KCNU1: variants seen among roughly 807,000 people sequenced by gnomAD.
The protein encoded by KCNU1 is potassium calcium-activated channel subfamily U member 1.
KCNU1 carries 93 observed loss-of-function variants against 126.8 expected under a neutral mutation model. The observed-to-expected ratio is 0.73, with a 90% confidence interval of 0.62 to 0.87. The LOEUF (loss-of-function observed/expected upper bound fraction) is 0.87. Among genes scored for constraint, KCNU1 ranks in the 40% least tolerant of loss-of-function variants. The pLI is 0.00. For synonymous variants in KCNU1, 523 were observed against 494.2 expected, an observed-to-expected ratio of 1.06 and a Z score of -0.77; for missense variants, 1,330 against 1,367.1, an observed-to-expected ratio of 0.97 and a Z score of 0.43.
intron 9 of KCNU1, among the ~76,000 whole-genome samples, chr8:36,816,017 T>A (rs370371823): frequency 2.0e-5 from 3 of 152,328 alleles, no homozygotes; most frequent in Admixed American, 6.5e-5. Context: ...CCATTACCAA[T>A]TGTCTTACTC....
intron 26 of KCNU1, among the ~76,000 whole-genome samples, chr8:36,933,673 A>G (rs1808770713): frequency 6.6e-6 from 1 of 152,098 alleles, no homozygotes; most frequent in Admixed American, 6.6e-5. Flanking sequence ...AATAGAGTGG[A>G]AATAGATGGA....
chr8:36,809,448 A>G lies in KCNU1; in HGVS notation c.732+655A>G, dbSNP rs572969968. ...TGAGATAAACAAAACAGAATGCATA[A>G]CAGGTCTTTTTTATCTGAGCCCTTC... is the stretch of plus-strand genomic sequence containing the variant. On this transcript the variant is annotated intron_variant, in intron 7 of 26. Coordinates refer to ENST00000399881, the MANE Select transcript of KCNU1 (RefSeq NM_001031836.3). 2.0e-4 allele frequency among the ~76,000 whole-genome samples: 30 copies of G among 152,336 alleles called. No homozygotes were observed. In the South Asian group the frequency reaches 6.2e-3, roughly 32 times the overall value.
intron 19 of KCNU1, among the ~76,000 whole-genome samples, chr8:36,885,065 G>A (rs1327186247): frequency 6.6e-6 from 1 of 152,182 alleles, no homozygotes; most frequent in East Asian, 1.9e-4. Context: ...AAACTAGTAG[G>A]AATATTTACA....
intron 10 of KCNU1, among the ~76,000 whole-genome samples, chr8:36,829,001 T>C (rs1230322054): frequency 6.6e-6 from 1 of 152,140 alleles, no homozygotes. Flanking sequence ...TTGATTTCTA[T>C]GCCCTTTAGC....
At chr8:36,881,807 CA>C (rs1806491696) in intron 19 of KCNU1, among the ~76,000 whole-genome samples, 1 of 110,754 alleles carries the variant, frequency 9.0e-6, no homozygotes, top group Admixed American at 1.2e-4. Flanking sequence ...CACACACACA[CA>C]CACACACACA....
chr8:36,828,239 T>A (rs1804397712), intron 10 of KCNU1, among the ~76,000 whole-genome samples: 1 of 152,114 alleles, frequency 6.6e-6, no homozygotes, highest in Non-Finnish European at 1.5e-5. Context: ...AGTCATAACA[T>A]TCATAATTGG....
intron 25 of KCNU1, 150 bp from the exon 26 acceptor site, chr8:36,932,770 C>T: frequency 8.3e-6 from 5 of 604,694 alleles, no homozygotes; most frequent in East Asian, 2.8e-5. Context: ...CTCTTAATTA[C>T]CTATCGCCCT....
At chr8:36,857,523 G>A (rs1333515747) in intron 18 of KCNU1, among the ~76,000 whole-genome samples, 1 of 152,162 alleles carries the variant, frequency 6.6e-6, no homozygotes, top group Non-Finnish European at 1.5e-5. Flanking sequence ...GCAGTCTGTG[G>A]TTCAAGTGCC....
chr8:36,834,807 C>T lies in KCNU1; in HGVS notation c.1234C>T (p.Leu412=), dbSNP rs748328126. The T allele has an allele frequency of 6.2e-7, 1 of 1,611,376 alleles. No homozygotes were observed. ...GTAGGTGGAATCTGCAGAGGCATGC[C>T]TGATTATAGCCAATCCTTTGTGCAG... The part of the protein sequence containing the change: ...RVAVESAEAC[L]IIANPLCSDS... The change falls in exon 12 of 27, where the codon CTG becomes TTG. Residue 412 remains leucine (L), a synonymous_variant. Transcript: ENST00000399881.
chr8:36,852,868 C>A (rs567830430), intron 18 of KCNU1, among the ~76,000 whole-genome samples: 1 of 152,062 alleles, frequency 6.6e-6, no homozygotes, highest in South Asian at 2.1e-4. Flanking sequence ...TCAAAAAGAA[C>A]AACTTTCTTA....
At chr8:36,790,763 C>T (rs1802874239) in intron 2 of KCNU1, among the ~76,000 whole-genome samples, 1 of 151,968 alleles carries the variant, frequency 6.6e-6, no homozygotes, top group Non-Finnish European at 1.5e-5. Flanking sequence ...TCTACAAAAC[C>T]CTCAAGGAAT....
chr8:36,799,833 G>A (rs1057077118), intron 2 of KCNU1, among the ~76,000 whole-genome samples: 2 of 151,822 alleles, frequency 1.3e-5, no homozygotes, highest in Admixed American at 6.6e-5. Flanking sequence ...TAGTCACCGC[G>A]CCCAGCCCTT....
chr8:36,885,131 A>T (rs530334569), intron 19 of KCNU1, among the ~76,000 whole-genome samples: 11 of 151,924 alleles, frequency 7.2e-5, no homozygotes, highest in African/African-American at 2.4e-4. Context: ...AGAATGAGAA[A>T]CTCCTGGGGG....
chr8:36,930,528 A>C (rs1200894599), intron 24 of KCNU1, among the ~76,000 whole-genome samples: 1 of 152,186 alleles, frequency 6.6e-6, no homozygotes, highest in African/African-American at 2.4e-5. Context: ...TATAGATGAC[A>C]ATAATATCAT....
intron 19 of KCNU1, among the ~76,000 whole-genome samples, chr8:36,893,999 C>G (rs1270968228): frequency 1.3e-5 from 2 of 151,982 alleles, no homozygotes; most frequent in Non-Finnish European, 2.9e-5. Context: ...AATCTGCAAG[C>G]CAAAAATCCA....
chr8:36,856,013 T>C (rs1805516630), intron 18 of KCNU1, among the ~76,000 whole-genome samples: 1 of 152,188 alleles, frequency 6.6e-6, no homozygotes, highest in Non-Finnish European at 1.5e-5. Flanking sequence ...GGTAGACACA[T>C]ATTAATATTT....
intron 2 of KCNU1, among the ~76,000 whole-genome samples, chr8:36,789,401 G>A (rs563377446): frequency 6.6e-6 from 1 of 151,922 alleles, no homozygotes; most frequent in African/African-American, 2.4e-5. Flanking sequence ...GCATAACTGA[G>A]TCTCTTAGAG....
chr8:36,918,706 A>G, intron 22 of KCNU1, 117 bp from the exon 23 acceptor site: 1 of 707,286 alleles, frequency 1.4e-6, no homozygotes, highest in South Asian at 1.7e-5. Context: ...TTTGGGATTT[A>G]TACATGAAAG....
At chr8:36,877,252 T>G (rs1806308311) in intron 19 of KCNU1, among the ~76,000 whole-genome samples, 1 of 151,958 alleles carries the variant, frequency 6.6e-6, no homozygotes, top group South Asian at 2.1e-4. Context: ...GTCAAGCCTC[T>G]TGCTTTCTCT....
Sources: allele counts gnomAD v4.1 joint callset (sites outside exome capture counted in the v4.1 genomes callset), GRCh38; gene constraint gnomAD v4.1.1; transcripts MANE v1.5; gene names NCBI Gene and HGNC (gene_info 2026-07-23, HGNC 2026-07-21).